Variants in TYW1B observed in about 807,000 individuals in gnomAD.
The protein encoded by TYW1B is S-adenosyl-L-methionine-dependent tRNA 4-demethylwyosine synthase TYW1B.
In TYW1B, 73 loss-of-function variants were observed where a neutral mutation model predicts 86.9. The observed-to-expected ratio is 0.84, with a 90% CI of 0.70 to 1.02. The LOEUF (loss-of-function observed/expected upper bound fraction) is 1.02, where lower values mean the gene tolerates loss of function less well. Among genes scored for constraint, TYW1B ranks in the 50% least tolerant of loss-of-function variants. The pLI is 0.00. For synonymous variants in TYW1B, 248 were observed against 292.8 expected, an observed-to-expected ratio of 0.85 and a Z score of 1.56; for missense variants, 637 against 827.4, an observed-to-expected ratio of 0.77 and a Z score of 2.82.
intron 11 of TYW1B, among the ~76,000 whole-genome samples, chr7:72,656,529 A>T (rs1813208764): frequency 6.6e-6 from 1 of 152,054 alleles, no homozygotes; most frequent in African/African-American, 2.4e-5. Flanking sequence ...AGTCGCTTCA[A>T]CCTGGGAGGT....
At chr7:72,818,772 G>A (rs1788773891) in intron 2 of TYW1B, among the ~76,000 whole-genome samples, 2 of 151,924 alleles carry the variant, frequency 1.3e-5, no homozygotes, top group South Asian at 4.2e-4. Flanking sequence ...GACATGGCAG[G>A]AACAAGAGAG....
At chr7:72,827,032 A>C in intron 1 of TYW1B, 47 bp from the exon 2 acceptor site, 1 of 1,557,334 alleles carries the variant, frequency 6.4e-7, no homozygotes, top group South Asian at 1.2e-5. Context: ...AAAGCTACAT[A>C]TACAAAGATA....
At chr7:72,576,825 T>G (rs1163364587) in intron 13 of TYW1B, among the ~76,000 whole-genome samples, 2 of 151,606 alleles carry the variant, frequency 1.3e-5, no homozygotes, top group African/African-American at 4.8e-5. Context: ...GCCACTATCT[T>G]TTAAAAAACT....
intron 2 of TYW1B, among the ~76,000 whole-genome samples, chr7:72,815,992 G>T (rs782658162): frequency 1.3e-5 from 2 of 152,108 alleles, no homozygotes; most frequent in African/African-American, 2.4e-5. Context: ...TCACACCAAT[G>T]CACTCTAGCC....
intron 11 of TYW1B, among the ~76,000 whole-genome samples, chr7:72,639,325 C>T (rs1812748201): frequency 6.6e-6 from 1 of 151,714 alleles, no homozygotes; most frequent in African/African-American, 2.4e-5. Flanking sequence ...CATCACCATA[C>T]CCAGTTAATT....
intron 13 of TYW1B, among the ~76,000 whole-genome samples, chr7:72,613,446 C>T (rs1299572863): frequency 1.8e-5 from 2 of 108,796 alleles, no homozygotes; most frequent in South Asian, 3.1e-4. Context: ...CTCACCCTTT[C>T]GCCCAGGCTG....
At chr7:72,733,423 G>A (rs1387160145) in intron 8 of TYW1B, among the ~76,000 whole-genome samples, 3 of 152,140 alleles carry the variant, frequency 2.0e-5, no homozygotes, top group Non-Finnish European at 2.9e-5. Context: ...ACTTTCGGAG[G>A]CCAAGGCGGG....
chr7:72,822,253 A>C (rs1427975269), intron 2 of TYW1B, among the ~76,000 whole-genome samples: 8 of 151,856 alleles, frequency 5.3e-5, no homozygotes, highest in Non-Finnish European at 7.4e-5. Flanking sequence ...TCTGAGACAC[A>C]GAAGACGATC....
intron 5 of TYW1B, among the ~76,000 whole-genome samples, chr7:72,805,613 CAA>C (rs71517372): frequency 2.2e-3 from 281 of 125,882 alleles, no homozygotes; most frequent in African/African-American, 7.4e-3. Context: ...GACCCTTTCT[CAA>C]AAAAAAAAAA....
At chr7:72,632,280 TAC>T (rs1462394837) in intron 11 of TYW1B, among the ~76,000 whole-genome samples, 2 of 65,324 alleles carry the variant, frequency 3.1e-5, no homozygotes, top group Non-Finnish European at 5.2e-5. Context: ...TATATATATA[TAC>T]GTGTATATAT....
intron 11 of TYW1B, among the ~76,000 whole-genome samples, chr7:72,667,266 A>G (rs1183652089): frequency 2.6e-5 from 4 of 152,146 alleles, no homozygotes; most frequent in African/African-American, 4.8e-5. Context: ...TTGACTGATT[A>G]TATTTGGAGC....
At chr7:72,677,439 C>T (rs1813761453) in intron 11 of TYW1B, among the ~76,000 whole-genome samples, 1 of 152,096 alleles carries the variant, frequency 6.6e-6, no homozygotes, top group African/African-American at 2.4e-5. Context: ...TGAGCCACCA[C>T]ATCCTGAACT....
intron 11 of TYW1B, among the ~76,000 whole-genome samples, chr7:72,680,911 CTG>C (rs1481772290): frequency 2.6e-5 from 4 of 152,106 alleles, no homozygotes; most frequent in Non-Finnish European, 2.9e-5. Context: ...ATCTTATTCA[CTG>C]TATCTTTTCA....
At chr7:72,644,127 A>G (rs1240332130) in intron 11 of TYW1B, among the ~76,000 whole-genome samples, 1 of 152,268 alleles carries the variant, frequency 6.6e-6, no homozygotes, top group Non-Finnish European at 1.5e-5. Flanking sequence ...AGCAGAATAA[A>G]GGAAATCATA....
chr7:72,682,006 T>A (rs1316886420), intron 11 of TYW1B, among the ~76,000 whole-genome samples: 12 of 151,814 alleles, frequency 7.9e-5, no homozygotes, highest in Admixed American at 1.3e-4. Context: ...GCCTCCCGAG[T>A]AGCTGGGATT....
intron 11 of TYW1B, among the ~76,000 whole-genome samples, chr7:72,646,587 T>G (rs1812937089): frequency 6.6e-6 from 1 of 152,116 alleles, no homozygotes; most frequent in Non-Finnish European, 1.5e-5. Context: ...TTGCCCAGGC[T>G]GGTCTCAAAT....
chr7:72,790,013 T>C lies in TYW1B; in HGVS notation c.846+12387A>G, dbSNP rs1788192996. ...CCCAGGCTGGAGTGCAATGGTGCAATCTTGGCTCACTGCAACCTCCACCTT... is the reference window on the plus strand; with the variant it reads ...CCCAGGCTGGAGTGCAATGGTGCAACCTTGGCTCACTGCAACCTCCACCTT... On this transcript the variant is annotated intron_variant, in intron 6 of 13. Transcript: ENST00000620995. Among the ~76,000 whole-genome samples, 3 of 141,860 alleles carry C rather than the reference T, an allele frequency of 2.1e-5. No individual in the cohort carries two copies. The South Asian group carries it at 7.1e-4, about 34-fold the overall frequency. 93.1% of individuals were successfully genotyped at this position (141,860 alleles called of 152,430 possible). A position where few individuals can be genotyped will look rare whatever the true frequency, so the allele number is the denominator to read the frequency against.
At chr7:72,811,098 G>T (rs182568743) in intron 3 of TYW1B, among the ~76,000 whole-genome samples, 1 of 151,506 alleles carries the variant, frequency 6.6e-6, no homozygotes, top group African/African-American at 2.4e-5. Context: ...GGTGAAACCC[G>T]GTCTTTACTA....
chr7:72,678,126 C>G (rs1238054258), intron 11 of TYW1B, among the ~76,000 whole-genome samples: 2 of 152,138 alleles, frequency 1.3e-5, no homozygotes, highest in African/African-American at 4.8e-5. Context: ...TAAATGCATA[C>G]TACAGGCAAA....
Sources: allele counts gnomAD v4.1 joint callset (sites outside exome capture counted in the v4.1 genomes callset), GRCh38; gene constraint gnomAD v4.1.1; transcripts MANE v1.5; gene names NCBI Gene and HGNC (gene_info 2026-07-23, HGNC 2026-07-21).